THOC5: variants seen among roughly 807,000 people sequenced by gnomAD.
THOC5 encodes the protein THO complex subunit 5.
Under a neutral mutation model 92.9 loss-of-function variants are expected in THOC5, and 43 were observed. The ratio of observed to expected loss-of-function variants is 0.46; its 90% CI spans 0.36 to 0.60. The LOEUF (loss-of-function observed/expected upper bound fraction) is 0.60. THOC5 is among the 20% of genes least tolerant of loss of function. The probability of loss-of-function intolerance (pLI) is 0.00; values close to 1 mark genes in which losing one functional copy is unlikely to be tolerated. For missense variants in THOC5, 659 were observed against 849.4 expected, an observed-to-expected ratio of 0.78 and a Z score of 2.79; for synonymous variants, 296 against 320.1, an observed-to-expected ratio of 0.92 and a Z score of 0.80.
chr22:29,521,857 A>G (rs1461294590), intron 12 of THOC5, among the ~76,000 whole-genome samples: 2 of 152,176 alleles, frequency 1.3e-5, no homozygotes, highest in Non-Finnish European at 2.9e-5. Flanking sequence ...GTTCTCCTTC[A>G]TCTTTCCATG....
intron 6 of THOC5, among the ~76,000 whole-genome samples, chr22:29,538,288 T>A (rs1221437803): frequency 6.6e-6 from 1 of 152,066 alleles, no homozygotes; most frequent in Non-Finnish European, 1.5e-5. Context: ...GGCTGAAGCA[T>A]TATTTATGAC....
At chr22:29,539,258 G>C in intron 6 of THOC5, 72 bp downstream of exon 6, 1 of 1,494,310 alleles carries the variant, frequency 6.7e-7, no homozygotes, top group Admixed American at 2.0e-5. Context: ...ACAGTGTTTT[G>C]CTGCCTTATC....
At position 29,543,464 on chromosome 22, in the gene THOC5, T is replaced by A. The variant is rs1327771251; in HGVS notation, c.319A>T (p.Ile107Phe). Residue 107 changes from isoleucine to phenylalanine, a missense_variant, in exon 4 of 20, where the codon ATC becomes TTC. Coordinates refer to ENST00000490103, the MANE Select transcript of THOC5 (RefSeq NM_003678.5). ...TGATCTCTTCCTTTCTTCAACCTGATGTGGGCTAATCGGTTAAGCTTCTTT... is the reference window on the plus strand; with the variant it reads ...TGATCTCTTCCTTTCTTCAACCTGAAGTGGGCTAATCGGTTAAGCTTCTTT... ...TLKKLNRLAH[I>F]RLKKGRDQTH... is the part of the protein sequence containing the mutation. 1 of 1,613,788 alleles carries A rather than the reference T, an allele frequency of 6.2e-7. No homozygotes were observed. Among genetic ancestry groups the A allele is most frequent in the Non-Finnish European group, 8.5e-7 (1 of 1,179,976 alleles).
chr22:29,532,606 G>A lies in THOC5; in HGVS notation c.715-643C>T, dbSNP rs183441901. Among the ~76,000 whole-genome samples the A allele has an allele frequency of 2.5e-3, 375 of 152,044 alleles. 1 individual carries two copies. Among genetic ancestry groups the A allele is most frequent in the African/African-American group, 8.6e-3 (357 of 41,474 alleles). ...CTTGAATCCAGGAAGTGGAGGTTGC[G>A]GTGAGCCGAGATCATGCCATTGCAC... is the stretch of plus-strand genomic sequence containing the variant. On this transcript the variant is annotated intron_variant, in intron 7 of 19. Coordinates refer to ENST00000490103, the MANE Select transcript of THOC5 (RefSeq NM_003678.5).
At chr22:29,538,973 T>C (rs1320214897) in intron 6 of THOC5, among the ~76,000 whole-genome samples, 1 of 151,190 alleles carries the variant, frequency 6.6e-6, no homozygotes, top group East Asian at 1.9e-4. Context: ...TAGATGGGCG[T>C]GGTGGTGCAC....
In THOC5 at chr22:29,539,420, G is replaced by A. The variant is rs372080987; in HGVS notation, c.509C>T (p.Pro170Leu). Residue 170 changes from proline (P) to leucine (L), a missense_variant, in exon 6 of 20, where the codon CCA becomes CTA. Physicochemically the swap from Pro to Leu is moderately conservative, Grantham distance 98. Coordinates refer to ENST00000490103, the MANE Select transcript of THOC5 (RefSeq NM_003678.5). Reference protein sequence around the residue: ...VSLEEFYKEAPPDISKAEVTM... With the variant: ...VSLEEFYKEALPDISKAEVTM... ...GACTTCGGCCTTGCTGATATCTGGT[G>A]GAGCCTCCTTATAAAACTCCTCTAA... The A allele has an allele frequency of 1.2e-6, 2 of 1,613,974 alleles. No homozygotes were observed. Among genetic ancestry groups the A allele is most frequent in the Non-Finnish European group, 1.7e-6 (2 of 1,180,010 alleles).
intron 19 of THOC5, among the ~76,000 whole-genome samples, chr22:29,509,065 G>C (rs1233957731): frequency 1.3e-5 from 2 of 152,100 alleles, no homozygotes; most frequent in Non-Finnish European, 2.9e-5. Flanking sequence ...CCTGGCCGGA[G>C]AGCCTTGCCT....
rs758461075 is a variant in THOC5, at chr22:29,512,028, T to C, written c.1790A>G (p.Asn597Ser). 1.2e-6 allele frequency: 2 copies of C among 1,613,926 alleles called. No homozygotes were observed. The highest frequency in any genetic ancestry group is 2.2e-5 in the East Asian group (1 of 44,880). ...TCCCCAGCTGGGTCTTACCCGAATG[T>C]TGTCATCGTTGCTGTTGGTTTTCTC... ...KGEKTNSNDDNIRAMEGEVNV... is the reference protein window; with the variant it reads ...KGEKTNSNDDSIRAMEGEVNV... Residue 597 changes from asparagine (N) to serine (S), a missense_variant, in exon 18 of 20, where the codon AAC (asparagine) becomes AGC (serine). By Grantham distance (46) the Asn-to-Ser change is conservative (BLOSUM62 1). Coordinates refer to ENST00000490103, the MANE Select transcript of THOC5 (RefSeq NM_003678.5).
At chr22:29,533,755 A>G (rs5763303) in intron 7 of THOC5, among the ~76,000 whole-genome samples, 30,154 of 152,196 alleles carry the variant, frequency 0.2, 3,284 homozygotes, top group East Asian at 0.43. Flanking sequence ...CAACATCACT[A>G]GTCCTCAGGG....
chr22:29,511,709 T>C (rs1394873017), intron 18 of THOC5, among the ~76,000 whole-genome samples: 2 of 152,242 alleles, frequency 1.3e-5, no homozygotes, highest in Non-Finnish European at 2.9e-5. Flanking sequence ...CCTCATGTCA[T>C]TCCAGTGCTT....
intron 12 of THOC5, among the ~76,000 whole-genome samples, chr22:29,524,650 G>T (rs1376566761): frequency 6.6e-6 from 1 of 152,164 alleles, no homozygotes; most frequent in East Asian, 1.9e-4. Flanking sequence ...CTCTGCTGGG[G>T]TCAGATGGGA....
chr22:29,531,481 C>T lies in THOC5; in HGVS notation c.847+350G>A, dbSNP rs1034991613. ...GAGACCTGTATTCACCAGGCACCCC[C>T]ACCCTGAAGCAGAGCAAGAGGCACT... On this transcript the variant is annotated intron_variant, in intron 8 of 19. Coordinates refer to ENST00000490103, the MANE Select transcript of THOC5 (RefSeq NM_003678.5). 8 of 1,040,966 alleles carry T rather than the reference C, an allele frequency of 7.7e-6. No individual in the cohort carries two copies. In the African/African-American group the frequency reaches 1.0e-4, roughly 13 times the overall value. 64.5% of individuals were successfully genotyped at this position (1,040,966 alleles called of 1,614,324 possible). A position where few individuals can be genotyped will look rare whatever the true frequency, so the allele number is the denominator to read the frequency against.
chr22:29,539,545 AG>A, intron 5 of THOC5, 69 bp from the exon 6 acceptor site: 1 of 1,541,278 alleles, frequency 6.5e-7, no homozygotes, highest in Non-Finnish European at 8.8e-7. Flanking sequence ...GCAGGCCCAA[AG>A]TTATCCCCAA....
chr22:29,542,403 A>G (rs2063915759), intron 5 of THOC5, among the ~76,000 whole-genome samples: 1 of 152,114 alleles, frequency 6.6e-6, no homozygotes. Flanking sequence ...ATTCTCCCAC[A>G]TTCACCCTTG....
At chr22:29,524,599 G>C (rs181157755) in intron 12 of THOC5, among the ~76,000 whole-genome samples, 1 of 152,246 alleles carries the variant, frequency 6.6e-6, no homozygotes, top group Non-Finnish European at 1.5e-5. Context: ...TGAGAGCCCT[G>C]GACAGTGTAA....
At chr22:29,542,721 G>A (rs569927883) in intron 5 of THOC5, 138 bp downstream of exon 5, 29 of 507,564 alleles carry the variant, frequency 5.7e-5, no homozygotes, top group Admixed American at 3.4e-4. Context: ...CTGAGATTGC[G>A]CCACTGCACT....
chr22:29,520,050 C>G lies in THOC5; in HGVS notation c.1332G>C (p.Val444=), dbSNP rs868059767. 6.2e-7 allele frequency: 1 copy of G among 1,613,954 alleles called. No homozygotes were observed. The highest frequency in any genetic ancestry group is 1.1e-5 in the South Asian group (1 of 91,074). ...VLELGHPYLW[V]QKLGGLHFPK... is the part of the protein sequence containing the mutation. ...GGAAGTGGAGGCCACCCAGCTTCTG[C>G]ACCCACAAATAGGGGTGACCTAGCT... The change falls in exon 14 of 20, where the codon GTG becomes GTC. Residue 444 remains valine (V), a synonymous_variant. Transcript: ENST00000490103.
intron 7 of THOC5, chr22:29,535,471 C>T (rs2063742498): frequency 1.3e-5 from 2 of 152,052 alleles, no homozygotes. Context: ...GTATATATCC[C>T]TACAGATACT....
intron 1 of THOC5, among the ~76,000 whole-genome samples, chr22:29,552,601 C>T (rs1184627030): frequency 2.0e-5 from 3 of 150,620 alleles, no homozygotes; most frequent in Non-Finnish European, 3.0e-5. Flanking sequence ...CCCGGCCAGC[C>T]GCCCCGTCGG....
Sources: gnomAD v4.1 joint callset for allele counts (sites outside exome capture counted in the v4.1 genomes callset) on GRCh38, gnomAD v4.1.1 for gene constraint, MANE v1.5 for transcripts, NCBI Gene and HGNC (gene_info 2026-07-23, HGNC 2026-07-21) for gene names.